Variants in SH3GL1 observed in about 807,000 individuals in gnomAD.
SH3GL1 encodes endophilin-A2.
In SH3GL1, 21 loss-of-function variants were observed where a neutral mutation model predicts 48.8. The observed-to-expected ratio is 0.43, with a 90% CI of 0.30 to 0.62. The LOEUF is 0.62. SH3GL1 is among the 20% of genes least tolerant of loss of function. SH3GL1 has a pLI of 0.11. For missense variants in SH3GL1, 454 were observed against 503.0 expected (o/e 0.90, Z 0.93); for synonymous variants, 282 against 217.5 (o/e 1.30, Z -2.61).
Position 4,367,902 on chromosome 19 carries a change from G to C in SH3GL1, c.46-908C>G, listed in dbSNP as rs1412433627. On this transcript the variant is annotated intron_variant, in intron 1 of 9. Transcript: ENST00000269886. The surrounding 1 kb of genome is among the most constrained non-coding windows in gnomAD (Gnocchi z 4.2). ...ATGCCGCACAGAGTGAGGATGGACA[G>C]TGTGAGGCCCTTCCCAGCACACAGC... Among the ~76,000 whole-genome samples the C allele has an allele frequency of 1.3e-5, 2 of 152,132 alleles. No homozygotes were observed. Among genetic ancestry groups the C allele is most frequent in the African/African-American group, 4.8e-5 (2 of 41,432 alleles).
At position 4,362,339 on chromosome 19, in the gene SH3GL1, G is replaced by A. The variant is rs760350519; in HGVS notation, c.900C>T (p.Ser300=). The A allele has an allele frequency of 6.2e-7, 1 of 1,612,060 alleles. No individual in the cohort carries two copies. Among genetic ancestry groups the A allele is most frequent in the Non-Finnish European group, 8.5e-7 (1 of 1,179,040 alleles). The change falls in exon 9 of 10, where the codon AGC becomes AGT. Residue 300 remains serine (S), a synonymous_variant. Coordinates refer to ENST00000269886, the MANE Select transcript of SH3GL1 (RefSeq NM_003025.4). The part of the protein sequence containing the change: ...RSSDKPIRTP[S]RSMPPLDQPS... The stretch of plus-strand genomic sequence containing the variant: ...CCTGGGAACACTCACGCATGCTCCG[G>A]CTAGGGGTCCGGATGGGCTTGTCGG...
chr19:4,381,406 CCTCTGTCTCCCCTCT>C (rs2144900492), intron 1 of SH3GL1, among the ~76,000 whole-genome samples: 1 of 114,082 alleles, frequency 8.8e-6, no homozygotes, highest in South Asian at 3.9e-4. Context: ...TGTCCCCCTA[CCTCTGTCTCCCCTCT>C]CTCTGTCCCC....
intron 1 of SH3GL1, among the ~76,000 whole-genome samples, chr19:4,378,092 G>T (rs1041060416): frequency 2.0e-5 from 3 of 152,220 alleles, no homozygotes; most frequent in Non-Finnish European, 4.4e-5. Context: ...GACAGGGGTG[G>T]CAGAGGCAGC....
intron 1 of SH3GL1, among the ~76,000 whole-genome samples, chr19:4,382,035 C>G (rs1023040064): frequency 6.6e-6 from 1 of 152,082 alleles, no homozygotes; most frequent in Non-Finnish European, 1.5e-5. Flanking sequence ...TCACCCCGGG[C>G]TAAGATTGAG....
At chr19:4,366,668 C>T (rs776192589) in intron 2 of SH3GL1, 95 bp from the exon 3 acceptor site, 115 of 1,199,188 alleles carry the variant, frequency 9.6e-5, no homozygotes, top group Non-Finnish European at 1.3e-4. Flanking sequence ...CCTAAGAGCC[C>T]ATACCAGGAC....
In SH3GL1 at chr19:4,361,491, C is replaced by G; in HGVS notation, c.*109G>C. On this transcript the variant is annotated 3_prime_UTR_variant, in exon 10 of 10. Coordinates refer to ENST00000269886, the MANE Select transcript of SH3GL1 (RefSeq NM_003025.4). ...TCAAGGGCCGGGGCCCAGGTGGCGC[C>G]GGCAGGCTCAGACACCGCCCTGGCA... 1 of 839,792 alleles carries G rather than the reference C, an allele frequency of 1.2e-6. No homozygotes were observed. Among genetic ancestry groups the G allele is most frequent in the Non-Finnish European group, 1.9e-6 (1 of 539,866 alleles). 52.0% of individuals were successfully genotyped at this position (839,792 alleles called of 1,614,324 possible).
At chr19:4,384,555 A>G (rs977105075) in intron 1 of SH3GL1, among the ~76,000 whole-genome samples, 2 of 152,186 alleles carry the variant, frequency 1.3e-5, no homozygotes, top group African/African-American at 4.8e-5. Flanking sequence ...ATTCATGGGC[A>G]TAGTCATCAA....
chr19:4,365,389 C>T (rs550377083), intron 4 of SH3GL1, 93 bp downstream of exon 4: 2 of 1,532,606 alleles, frequency 1.3e-6, no homozygotes, highest in East Asian at 2.3e-5. Context: ...ACGTCCCCGG[C>T]ACTCAGCACA....
chr19:4,362,436 G>GC, intron 8 of SH3GL1, 51 bp from the exon 9 acceptor site: 4 of 1,585,308 alleles, frequency 2.5e-6, no homozygotes, highest in Non-Finnish European at 2.6e-6. Flanking sequence ...GTCGGGCAGG[G>GC]CCCCTTCTGC....
rs564910079 is a variant in SH3GL1 at position 4,389,672 on chromosome 19, T to C, written c.45+10652A>G. ...AAACTCGACACGAGGCCATCCGCTGTAGGGTGGGGGCCACGGTGGCCCATC... is the reference window on the plus strand; with the variant it reads ...AAACTCGACACGAGGCCATCCGCTGCAGGGTGGGGGCCACGGTGGCCCATC... On this transcript the variant is annotated intron_variant, in intron 1 of 9. Transcript: ENST00000269886. This position sits in a 1 kb window ranked among gnomAD's most constrained non-coding sequence, Gnocchi z 4.5. Among the ~76,000 whole-genome samples, 1 of 152,270 alleles carries C rather than the reference T, an allele frequency of 6.6e-6. No homozygotes were observed. The highest frequency in any genetic ancestry group is 1.9e-4 in the East Asian group (1 of 5,174).
chr19:4,379,235 C>T (rs1973071452), intron 1 of SH3GL1, among the ~76,000 whole-genome samples: 1 of 151,708 alleles, frequency 6.6e-6, no homozygotes, highest in Non-Finnish European at 1.5e-5. Context: ...AAGCAGATCA[C>T]CTGAGATTGG....
chr19:4,368,314 C>T (rs1972825695), intron 1 of SH3GL1, among the ~76,000 whole-genome samples: 1 of 152,154 alleles, frequency 6.6e-6, no homozygotes, highest in Non-Finnish European at 1.5e-5. Context: ...GAGTTTAGGA[C>T]CCAGCCTGGG....
intron 1 of SH3GL1, among the ~76,000 whole-genome samples, chr19:4,388,544 A>G (rs2144915260): frequency 6.6e-6 from 1 of 152,386 alleles, no homozygotes; most frequent in East Asian, 1.9e-4. Flanking sequence ...AACTGGGCAC[A>G]GAGGCCAGGG....
chr19:4,362,016 C>T (rs554068094), intron 9 of SH3GL1, among the ~76,000 whole-genome samples: 102 of 152,306 alleles, frequency 6.7e-4, no homozygotes, highest in African/African-American at 2.4e-3. Context: ...ACCAAAGCTA[C>T]TCCTGGGAAG....
chr19:4,387,550 C>T (rs778063321), intron 1 of SH3GL1, among the ~76,000 whole-genome samples: 2 of 152,028 alleles, frequency 1.3e-5, no homozygotes, highest in Non-Finnish European at 2.9e-5. Context: ...CTCAGCCTCC[C>T]TAAGTGCTGG....
At chr19:4,383,385 TTTTTTTA>T (rs1237775648) in intron 1 of SH3GL1, among the ~76,000 whole-genome samples, 4 of 151,912 alleles carry the variant, frequency 2.6e-5, no homozygotes, top group Admixed American at 6.6e-5. Flanking sequence ...GAGTTATTTT[TTTTTTTA>T]TTTTTTATTT....
chr19:4,373,377 CCTT>C lies in SH3GL1; in HGVS notation c.46-6386_46-6384del, dbSNP rs1568412840. The stretch of plus-strand genomic sequence containing the variant: ...CTGAGAGCCCTGGATTTGCCACTGT[CCTT>C]CGAGCCTCCAGCCTCTCAGTAGAGA... On this transcript the variant is annotated intron_variant, in intron 1 of 9. Coordinates refer to ENST00000269886, the MANE Select transcript of SH3GL1 (RefSeq NM_003025.4). Among the ~76,000 whole-genome samples the C allele has an allele frequency of 5.9e-5, 9 of 152,356 alleles. No homozygotes were observed. The South Asian group carries it at 1.9e-3, about 32-fold the overall frequency.
At chr19:4,362,874 C>T (rs1972662522) in intron 7 of SH3GL1, 138 bp from the exon 8 acceptor site, 1 of 1,372,196 alleles carries the variant, frequency 7.3e-7, no homozygotes, top group South Asian at 1.2e-5. Context: ...CACATGGACC[C>T]TGGGACACAG....
chr19:4,383,448 G>C (rs888641364), intron 1 of SH3GL1, among the ~76,000 whole-genome samples: 1 of 151,824 alleles, frequency 6.6e-6, no homozygotes, highest in African/African-American at 2.4e-5. Context: ...TGCCCATGCT[G>C]GTCTCAAACT....
Sources: allele counts gnomAD v4.1 joint callset (sites outside exome capture counted in the v4.1 genomes callset), GRCh38; gene constraint gnomAD v4.1.1; non-coding constraint Gnocchi (gnomAD v3.1); transcripts MANE v1.5; gene names NCBI Gene and HGNC (gene_info 2026-07-23, HGNC 2026-07-21).